Variants in LEKR1 observed in about 807,000 individuals in gnomAD.
The protein encoded by LEKR1 is protein LEKR1.
A neutral mutation model predicts 72.4 loss-of-function variants in LEKR1; 59 were observed. The observed-to-expected ratio is 0.82, with a 90% CI of 0.66 to 1.01. The LOEUF (loss-of-function observed/expected upper bound fraction) is 1.01. LEKR1 is among the 50% of genes least tolerant of loss of function. The pLI is 0.00. For synonymous variants in LEKR1, 257 were observed against 263.2 expected (o/e 0.98, Z 0.23); for missense variants, 728 against 759.2 (o/e 0.96, Z 0.48).
At chr3:157,022,149 C>G (rs1733888730) in intron 10 of LEKR1, among the ~76,000 whole-genome samples, 1 of 152,164 alleles carries the variant, frequency 6.6e-6, no homozygotes, top group Non-Finnish European at 1.5e-5. Context: ...CTCTGCTCAT[C>G]AAGTCCTATG....
intron 12 of LEKR1, among the ~76,000 whole-genome samples, chr3:157,043,505 G>A (rs892694477): frequency 7.3e-5 from 11 of 151,138 alleles, no homozygotes; most frequent in South Asian, 2.1e-4. Context: ...CATGTTTGAC[G>A]TAATGAATTA....
chr3:157,031,917 C>T (rs1734639356), intron 12 of LEKR1, among the ~76,000 whole-genome samples: 1 of 152,154 alleles, frequency 6.6e-6, no homozygotes, highest in Non-Finnish European at 1.5e-5. Context: ...TATTGGAGGG[C>T]ATCCCCAGAA....
chr3:157,014,193 C>G (rs1373394309), intron 10 of LEKR1, among the ~76,000 whole-genome samples: 2 of 152,038 alleles, frequency 1.3e-5, no homozygotes, highest in Admixed American at 1.3e-4. Flanking sequence ...TATTTAATCA[C>G]TATCACTTTT....
At chr3:156,859,544 C>T (rs1205188140) in intron 3 of LEKR1, among the ~76,000 whole-genome samples, 1 of 152,130 alleles carries the variant, frequency 6.6e-6, no homozygotes, top group Non-Finnish European at 1.5e-5. Context: ...CCTCTTCACA[C>T]CACAATGATA....
intron 11 of LEKR1, among the ~76,000 whole-genome samples, chr3:157,027,124 C>G (rs1038034400): frequency 1.3e-5 from 2 of 151,592 alleles, no homozygotes; most frequent in African/African-American, 4.8e-5. Context: ...AGTCAATACT[C>G]TTTTTTGAGA....
At chr3:156,907,558 A>G (rs73168690) in intron 3 of LEKR1, among the ~76,000 whole-genome samples, 1,568 of 152,186 alleles carry the variant, frequency 0.01, 12 homozygotes, top group Middle Eastern at 0.017. Context: ...CAAAATTTAA[A>G]ACGTACCCAT....
intron 7 of LEKR1, among the ~76,000 whole-genome samples, chr3:156,982,116 A>G (rs549887327): frequency 1.0e-3 from 152 of 152,380 alleles, no homozygotes; most frequent in Non-Finnish European, 1.6e-3. Flanking sequence ...TCCAAGGTTT[A>G]AAAGAACGTT....
At chr3:156,930,283 A>G (rs1725091715) in intron 5 of LEKR1, among the ~76,000 whole-genome samples, 1 of 152,194 alleles carries the variant, frequency 6.6e-6, no homozygotes, top group African/African-American at 2.4e-5. Flanking sequence ...CTCAGGAAAG[A>G]ATAAAATGCA....
At chr3:156,896,345 G>C (rs951174679) in intron 3 of LEKR1, among the ~76,000 whole-genome samples, 3 of 152,038 alleles carry the variant, frequency 2.0e-5, no homozygotes, top group Admixed American at 2.0e-4. Context: ...ATGTACCATG[G>C]AACTTAAAAG....
At chr3:156,833,899 C>T (rs1712766977) in intron 2 of LEKR1, among the ~76,000 whole-genome samples, 1 of 149,812 alleles carries the variant, frequency 6.7e-6, no homozygotes, top group African/African-American at 2.4e-5. Flanking sequence ...TCTCTTTCCC[C>T]TTTTTTCCTT....
chr3:156,919,157 T>C (rs1016636260), intron 3 of LEKR1, among the ~76,000 whole-genome samples: 7 of 152,216 alleles, frequency 4.6e-5, no homozygotes, highest in Admixed American at 1.3e-4. Context: ...CACTTGACTT[T>C]CCTTTTCTCA....
At chr3:156,891,059 T>A (rs1720618291) in intron 3 of LEKR1, among the ~76,000 whole-genome samples, 1 of 149,506 alleles carries the variant, frequency 6.7e-6, no homozygotes, top group South Asian at 2.1e-4. Context: ...TTAGTAGAGA[T>A]GGGGTTTTGC....
At chr3:156,954,836 T>G (rs1363610730) in intron 6 of LEKR1, among the ~76,000 whole-genome samples, 2 of 151,850 alleles carry the variant, frequency 1.3e-5, no homozygotes, top group African/African-American at 4.8e-5. Context: ...CCTTGGCTAG[T>G]CAGGCTCTTT....
At chr3:156,918,422 G>A (rs1723864370) in intron 3 of LEKR1, among the ~76,000 whole-genome samples, 2 of 152,250 alleles carry the variant, frequency 1.3e-5, no homozygotes, top group South Asian at 4.1e-4. Context: ...AACGGATGGA[G>A]TAGGCTGTTA....
intron 12 of LEKR1, among the ~76,000 whole-genome samples, chr3:157,034,872 G>A (rs1734853788): frequency 1.3e-5 from 2 of 152,022 alleles, no homozygotes; most frequent in African/African-American, 4.8e-5. Flanking sequence ...GAGTGCAGTG[G>A]CGCAATCTCA....
intron 2 of LEKR1, among the ~76,000 whole-genome samples, chr3:156,843,734 AG>A (rs1714227838): frequency 6.6e-6 from 1 of 152,144 alleles, no homozygotes; most frequent in Non-Finnish European, 1.5e-5. Context: ...CACTGTGGCT[AG>A]GTTCAGATTT....
rs1252646470 is a variant in LEKR1, at chr3:157,015,797, TATG to T, written c.1203+4294_1203+4296del. ...TTAGCAGAAAAGACATTAAAACAAA[TATG>T]ATAACTGTATTCCATATACCCAGAA... On this transcript the variant is annotated intron_variant, in intron 10 of 12. Coordinates refer to ENST00000356539, the MANE Select transcript of LEKR1 (RefSeq NM_001004316.3). Among the ~76,000 whole-genome samples, 7 of 151,992 alleles carry T rather than the reference TATG, an allele frequency of 4.6e-5. No individual in the cohort carries two copies. The South Asian group carries it at 6.2e-4, about 14-fold the overall frequency.
chr3:157,019,422 G>A (rs1471671575), intron 10 of LEKR1, among the ~76,000 whole-genome samples: 1 of 152,144 alleles, frequency 6.6e-6, no homozygotes, highest in Non-Finnish European at 1.5e-5. Flanking sequence ...TGAATGCTCT[G>A]GAGTCATCCG....
intron 12 of LEKR1, among the ~76,000 whole-genome samples, chr3:157,036,423 G>A (rs2108043714): frequency 6.6e-6 from 1 of 152,260 alleles, no homozygotes; most frequent in South Asian, 2.1e-4. Context: ...ATAGAAGACA[G>A]TGCCTTCCAA....
Sources: allele counts gnomAD v4.1 joint callset (sites outside exome capture counted in the v4.1 genomes callset), GRCh38; gene constraint gnomAD v4.1.1; transcripts MANE v1.5; gene names NCBI Gene and HGNC (gene_info 2026-07-23, HGNC 2026-07-21).